Variants in RRN3 observed in about 807,000 individuals in gnomAD.
RRN3 encodes RNA polymerase I-specific transcription initiation factor RRN3.
A neutral mutation model predicts 82.3 loss-of-function variants in RRN3; 38 were observed. The observed-to-expected ratio is 0.46, with a 90% CI of 0.36 to 0.61. The LOEUF is 0.61. Ranked by LOEUF, RRN3 falls within the 20% of genes least tolerant of loss-of-function variation. RRN3 has a pLI of 0.00. For missense variants in RRN3, 726 were observed against 793.1 expected (o/e 0.92, Z 1.02); for synonymous variants, 284 against 284.3 (o/e 1.00, Z 0.01).
At chr16:15,077,796 G>A (rs932173376) in intron 9 of RRN3, among the ~76,000 whole-genome samples, 2 of 152,190 alleles carry the variant, frequency 1.3e-5, no homozygotes, top group East Asian at 1.9e-4. Flanking sequence ...AGCCGAGATC[G>A]CACCACTGCA....
intron 3 of RRN3, among the ~76,000 whole-genome samples, chr16:15,088,933 G>A (rs974575121): frequency 1.4e-4 from 22 of 152,092 alleles, no homozygotes; most frequent in African/African-American, 5.1e-4. Context: ...GAAAGATGGA[G>A]CCCAGCCAAG....
intron 8 of RRN3, 140 bp downstream of exon 8, chr16:15,083,373 T>A: frequency 7.4e-7 from 1 of 1,356,138 alleles, no homozygotes; most frequent in East Asian, 2.7e-5. Flanking sequence ...CACTCCAGCT[T>A]GGGCGACAGA....
intron 1 of RRN3, 169 bp downstream of exon 1, chr16:15,093,976 T>C (rs1170848596): frequency 8.1e-5 from 54 of 668,190 alleles, no homozygotes; most frequent in Non-Finnish European, 1.1e-4. Flanking sequence ...CCCATGTCTA[T>C]TACCCAGTTA....
Position 15,074,273 on chromosome 16 carries a change from TTC to T in RRN3, c.997+448_997+449del, listed in dbSNP as rs1446021509. 1.4e-4 allele frequency among the ~76,000 whole-genome samples: 22 copies of T among 152,274 alleles called. No individual in the cohort carries two copies. In the East Asian group the frequency reaches 3.7e-3, roughly 25 times the overall value. Reference sequence around the variant, plus strand: ...TCTTAGCAATGTGAATGGAAAAAAATTCTGTTTTCGCCTGGCAAAGCCTTTAA... The same window carrying T: ...TCTTAGCAATGTGAATGGAAAAAAATTGTTTTCGCCTGGCAAAGCCTTTAA... On this transcript the variant is annotated intron_variant, in intron 11 of 17. Coordinates refer to ENST00000198767, the MANE Select transcript of RRN3 (RefSeq NM_018427.5).
In RRN3 at chr16:15,060,226, G is replaced by A. The variant is rs1239854714; in HGVS notation, c.*1518C>T. 5 of 362,442 alleles carry A rather than the reference G, an allele frequency of 1.4e-5. No homozygotes were observed. Among genetic ancestry groups the A allele is most frequent in the East Asian group, 8.9e-5 (1 of 11,202 alleles). The allele number at this position is 362,442 out of a possible 1,614,324, so 22.5% of individuals were successfully genotyped here. On this transcript the variant is annotated 3_prime_UTR_variant, in exon 18 of 18. Coordinates refer to ENST00000198767, the MANE Select transcript of RRN3 (RefSeq NM_018427.5). ...TTACTACTAATTTCTGGGGAATTTC[G>A]TTTACTCGTTTTATCTAATATTAAA... is the stretch of plus-strand genomic sequence containing the variant.
At chr16:15,090,477 T>C (rs1232316261) in intron 3 of RRN3, among the ~76,000 whole-genome samples, 1 of 152,206 alleles carries the variant, frequency 6.6e-6, no homozygotes, top group Non-Finnish European at 1.5e-5. Flanking sequence ...CATGCACCTA[T>C]AGTCCCAGCT....
chr16:15,073,925 G>A (rs1189898831), intron 11 of RRN3, among the ~76,000 whole-genome samples: 1 of 152,086 alleles, frequency 6.6e-6, no homozygotes, highest in Non-Finnish European at 1.5e-5. Context: ...GCAATGATAT[G>A]AGAAAATGTT....
chr16:15,081,949 T>C lies in RRN3; in HGVS notation c.666+1564A>G, dbSNP rs540723879. On this transcript the variant is annotated intron_variant, in intron 8 of 17. Transcript: ENST00000198767. ...TCAATTGTCTTGAACAACTGGTTAG[T>C]GTATGTTAGTCTTCTGTCCCGTAAC... Among the ~76,000 whole-genome samples, 3 of 152,314 alleles carry C rather than the reference T, an allele frequency of 2.0e-5. No homozygotes were observed. The South Asian group carries it at 6.2e-4, about 32-fold the overall frequency.
chr16:15,082,596 C>T (rs563490464), intron 8 of RRN3, among the ~76,000 whole-genome samples: 1 of 151,882 alleles, frequency 6.6e-6, no homozygotes, highest in Non-Finnish European at 1.5e-5. Context: ...TCACTTGAAC[C>T]CTGGAGGCAG....
At chr16:15,066,305 G>A (rs2044970652) in intron 15 of RRN3, among the ~76,000 whole-genome samples, 1 of 152,258 alleles carries the variant, frequency 6.6e-6, no homozygotes, top group South Asian at 2.1e-4. Context: ...GGAAGCATGT[G>A]CCCACACACA....
At position 15,068,261 on chromosome 16, in the gene RRN3, C is replaced by G; in HGVS notation, c.1461G>C (p.Gln487His). The G allele has an allele frequency of 1.3e-6, 2 of 1,570,158 alleles. No homozygotes were observed. Among genetic ancestry groups the G allele is most frequent in the Non-Finnish European group, 1.7e-6 (2 of 1,163,048 alleles). Residue 487 changes from glutamine (Q) to histidine (H), a missense_variant, in exon 15 of 18, where the codon CAG (glutamine) becomes CAC (histidine). Physicochemically the swap from Gln to His is conservative, Grantham distance 24. Coordinates refer to ENST00000198767, the MANE Select transcript of RRN3 (RefSeq NM_018427.5). ...TCACTATCCGCTCAAAATTCAGACT[C>G]TGAAGATACTGCAAACCTTTGGTTT... ...GNLKEGLQYLQSLNFERIVMS... is the reference protein window; with the variant it reads ...GNLKEGLQYLHSLNFERIVMS...
intron 15 of RRN3, among the ~76,000 whole-genome samples, chr16:15,066,195 A>G (rs2044963188): frequency 6.6e-6 from 1 of 152,156 alleles, no homozygotes; most frequent in Non-Finnish European, 1.5e-5. Flanking sequence ...AGGACACATC[A>G]GCAAAACCAC....
At chr16:15,062,112 C>T (rs901227971) in intron 17 of RRN3, among the ~76,000 whole-genome samples, 2 of 152,128 alleles carry the variant, frequency 1.3e-5, no homozygotes, top group Admixed American at 6.6e-5. Context: ...TCAAGAGTTC[C>T]GAATCCAGCC....
At chr16:15,087,534 G>GC (rs1252156703) in intron 3 of RRN3, among the ~76,000 whole-genome samples, 1 of 152,078 alleles carries the variant, frequency 6.6e-6, no homozygotes, top group African/African-American at 2.4e-5. Flanking sequence ...GCTACTGAGT[G>GC]CTTACTATGC....
At position 15,094,189 on chromosome 16, in the gene RRN3, G is replaced by C. The variant is rs781068032; in HGVS notation, c.45C>G (p.Ala15=). Residue 15 remains alanine, a synonymous_variant, in exon 1 of 18, where the codon GCC becomes GCG. Transcript: ENST00000198767. ...GCTTCTTAACTGCAGAGGACGAAGCGGCCGCATCTCCCGGCAAACGCGTGT... is the reference window on the plus strand; with the variant it reads ...GCTTCTTAACTGCAGAGGACGAAGCCGCCGCATCTCCCGGCAAACGCGTGT... ...LLHTRLPGDA[A]ASSSAVKKLG... The C allele has an allele frequency of 1.9e-6, 3 of 1,601,322 alleles. No individual in the cohort carries two copies. The highest frequency in any genetic ancestry group is 1.1e-5 in the South Asian group (1 of 88,638).
intron 10 of RRN3, among the ~76,000 whole-genome samples, chr16:15,075,296 G>A (rs969938537): frequency 3.3e-5 from 5 of 149,432 alleles, no homozygotes; most frequent in Middle Eastern, 3.6e-3. Context: ...AATGGACCAC[G>A]CACAGTGGCT....
At chr16:15,088,815 T>TG (rs1318453402) in intron 3 of RRN3, among the ~76,000 whole-genome samples, 2 of 152,006 alleles carry the variant, frequency 1.3e-5, no homozygotes, top group African/African-American at 4.8e-5. Context: ...AAATAGACCA[T>TG]GGGGGGCCTT....
intron 3 of RRN3, 114 bp downstream of exon 3, chr16:15,091,201 A>C (rs1862013096): frequency 1.6e-6 from 2 of 1,281,260 alleles, no homozygotes; most frequent in Admixed American, 5.0e-5. Context: ...GATTAAAATA[A>C]GGGAGGACCA....
chr16:15,063,476 A>G (rs2044806094), intron 16 of RRN3, among the ~76,000 whole-genome samples, 193 bp from the exon 17 acceptor site: 1 of 152,116 alleles, frequency 6.6e-6, no homozygotes, highest in South Asian at 2.1e-4. Flanking sequence ...TGGGAGGCTG[A>G]GGTGGGCAGA....
Sources: allele counts gnomAD v4.1 joint callset (sites outside exome capture counted in the v4.1 genomes callset), GRCh38; gene constraint gnomAD v4.1.1; transcripts MANE v1.5; gene names NCBI Gene and HGNC (gene_info 2026-07-23, HGNC 2026-07-21).